EIF4G3: variants seen among roughly 807,000 people sequenced by gnomAD.
EIF4G3 encodes the protein eIF-4-gamma 3.
EIF4G3 carries 34 observed loss-of-function variants against 186.4 expected under a neutral mutation model. The ratio of observed to expected loss-of-function variants is 0.18; its 90% confidence interval spans 0.14 to 0.24. The LOEUF is 0.24. Ranked by LOEUF, EIF4G3 falls within the 10% of genes least tolerant of loss-of-function variation. The probability of loss-of-function intolerance (pLI) is 1.00; values close to 1 mark genes in which losing one functional copy is unlikely to be tolerated. For missense variants in EIF4G3, 1,536 were observed against 1,948.5 expected, an observed-to-expected ratio of 0.79 and a Z score of 3.99; for synonymous variants, 673 against 679.5, an observed-to-expected ratio of 0.99 and a Z score of 0.15.
intron 4 of EIF4G3, among the ~76,000 whole-genome samples, 156 bp from the exon 5 acceptor site, chr1:21,002,964 C>A (rs1339602557): frequency 3.3e-5 from 5 of 150,500 alleles, no homozygotes; most frequent in African/African-American, 1.2e-4. Context: ...TCCAGTAACT[C>A]AAAATCAGTA....
intron 2 of EIF4G3, among the ~76,000 whole-genome samples, chr1:21,120,782 A>G (rs937809356): frequency 6.6e-6 from 1 of 152,238 alleles, no homozygotes; most frequent in South Asian, 2.1e-4. Flanking sequence ...ATCTCAACTC[A>G]CATTACTTAA....
chr1:20,840,847 G>A lies in EIF4G3; in HGVS notation c.4061+9C>T, dbSNP rs779989220. ...GTAACTGAATACCACTCTTGAAGAG[G>A]ATACTGACCCTTTGAAAAAGTCCTG... On this transcript the variant is annotated intron_variant, in intron 30 of 36. Transcript: ENST00000602326. The A allele has an allele frequency of 2.5e-6, 4 of 1,613,596 alleles. No homozygotes were observed. Among genetic ancestry groups the A allele is most frequent in the Non-Finnish European group, 3.4e-6 (4 of 1,179,726 alleles).
At chr1:20,985,529 A>T (rs61190378) in intron 7 of EIF4G3, among the ~76,000 whole-genome samples, 21,535 of 151,062 alleles carry the variant, frequency 0.14, 1,630 homozygotes, top group South Asian at 0.2. Context: ...AAAAAAAAAA[A>T]ATATATATCC....
At chr1:21,168,984 C>T (rs2103040843) in intron 2 of EIF4G3, among the ~76,000 whole-genome samples, 1 of 152,184 alleles carries the variant, frequency 6.6e-6, no homozygotes, top group South Asian at 2.1e-4. Context: ...TCGAGACCAG[C>T]CTGGGTAACA....
intron 30 of EIF4G3, among the ~76,000 whole-genome samples, chr1:20,830,126 A>G (rs2154547765): frequency 6.6e-6 from 1 of 152,358 alleles, no homozygotes; most frequent in South Asian, 2.1e-4. Context: ...TGAATTGAAG[A>G]GCTAAGAGCA....
At chr1:20,940,140 G>C (rs1488981628) in intron 14 of EIF4G3, among the ~76,000 whole-genome samples, 1 of 152,090 alleles carries the variant, frequency 6.6e-6, no homozygotes, top group Non-Finnish European at 1.5e-5. Context: ...ACAGGCATGA[G>C]CCACTGCACC....
At chr1:20,967,455 A>G (rs2074942258) in intron 12 of EIF4G3, among the ~76,000 whole-genome samples, 1 of 152,350 alleles carries the variant, frequency 6.6e-6, no homozygotes, top group Admixed American at 6.5e-5. Flanking sequence ...CTTCCAGGGA[A>G]GAGACTAAAT....
chr1:21,074,662 G>A (rs977100402), intron 3 of EIF4G3, among the ~76,000 whole-genome samples: 1 of 152,030 alleles, frequency 6.6e-6, no homozygotes, highest in African/African-American at 2.4e-5. Context: ...AGATTAAATG[G>A]CTAAGAAGAA....
intron 4 of EIF4G3, among the ~76,000 whole-genome samples, chr1:21,018,870 G>A (rs1387048918): frequency 1.3e-5 from 2 of 151,696 alleles, no homozygotes; most frequent in African/African-American, 2.4e-5. Context: ...GCAGGTGTTG[G>A]TCTGGCAATA....
At chr1:20,916,526 G>A (rs1011560776) in intron 14 of EIF4G3, among the ~76,000 whole-genome samples, 4 of 151,808 alleles carry the variant, frequency 2.6e-5, no homozygotes, top group Admixed American at 2.6e-4. Flanking sequence ...AATATTGCAA[G>A]ATGTCAATTC....
chr1:20,893,737 G>A (rs2086903965), intron 17 of EIF4G3, 101 bp from the exon 18 acceptor site: 3 of 1,330,888 alleles, frequency 2.3e-6, no homozygotes, highest in East Asian at 2.5e-5. Flanking sequence ...CAGCTGAAAC[G>A]GTAAGCACCA....
At chr1:20,877,510 A>G (rs2081217636) in intron 20 of EIF4G3, among the ~76,000 whole-genome samples, 1 of 152,202 alleles carries the variant, frequency 6.6e-6, no homozygotes, top group South Asian at 2.1e-4. Context: ...TGTATATATA[A>G]AGCCTCTATC....
At chr1:20,969,326 C>A in intron 12 of EIF4G3, 148 bp downstream of exon 12, 1 of 820,202 alleles carries the variant, frequency 1.2e-6, no homozygotes, top group African/African-American at 1.8e-5. Context: ...AGAGAAAAAA[C>A]ATGTCTGTTT....
At chr1:21,130,621 T>G (rs1332445209) in intron 2 of EIF4G3, among the ~76,000 whole-genome samples, 1 of 152,150 alleles carries the variant, frequency 6.6e-6, no homozygotes, top group Non-Finnish European at 1.5e-5. Context: ...TCTACTGTTC[T>G]TCTATACAAT....
At chr1:21,040,932 G>C (rs774919694) in intron 4 of EIF4G3, among the ~76,000 whole-genome samples, 9 of 152,084 alleles carry the variant, frequency 5.9e-5, no homozygotes, top group Admixed American at 1.3e-4. Context: ...CAATTCAGGT[G>C]TTTCTGTACC....
chr1:20,925,830 C>T (rs971236014), intron 14 of EIF4G3, among the ~76,000 whole-genome samples: 5 of 152,204 alleles, frequency 3.3e-5, no homozygotes, highest in African/African-American at 7.2e-5. Flanking sequence ...CAGCAGCCAG[C>T]CTACTTTTAT....
chr1:21,106,563 A>G (rs576124061), intron 2 of EIF4G3, among the ~76,000 whole-genome samples: 2 of 152,282 alleles, frequency 1.3e-5, no homozygotes, highest in East Asian at 3.9e-4. Flanking sequence ...AAGGAAATCA[A>G]AAGTTTTATT....
chr1:20,984,182 G>C (rs1309869492), intron 7 of EIF4G3, among the ~76,000 whole-genome samples: 1 of 151,796 alleles, frequency 6.6e-6, no homozygotes, highest in Non-Finnish European at 1.5e-5. Flanking sequence ...CTTTTGTCGG[G>C]GGGAGATGGA....
intron 28 of EIF4G3, among the ~76,000 whole-genome samples, chr1:20,850,013 T>C (rs781393145): frequency 1.3e-5 from 2 of 152,180 alleles, no homozygotes; most frequent in Non-Finnish European, 2.9e-5. Context: ...GTTTCATTCC[T>C]ACTGGTCCTT....
Sources: gnomAD v4.1 joint callset for allele counts (sites outside exome capture counted in the v4.1 genomes callset) on GRCh38, gnomAD v4.1.1 for gene constraint, MANE v1.5 for transcripts, NCBI Gene and HGNC (gene_info 2026-07-23, HGNC 2026-07-21) for gene names.